PCSK2: variants seen among roughly 807,000 people sequenced by gnomAD.
PCSK2 encodes neuroendocrine convertase 2.
PCSK2 carries 14 observed loss-of-function variants against 69.7 expected under a neutral mutation model. That is an observed-to-expected ratio of 0.20 (90% CI 0.13 to 0.31). The LOEUF (loss-of-function observed/expected upper bound fraction) is 0.31, where lower values mean the gene tolerates loss of function less well. PCSK2 is among the 10% of genes least tolerant of loss of function. The probability of loss-of-function intolerance (pLI) is 1.00; values close to 1 mark genes in which losing one functional copy is unlikely to be tolerated. For synonymous variants in PCSK2, 307 were observed against 320.7 expected, an observed-to-expected ratio of 0.96 and a Z score of 0.46; for missense variants, 544 against 842.5, an observed-to-expected ratio of 0.65 and a Z score of 4.39.
intron 2 of PCSK2, among the ~76,000 whole-genome samples, chr20:17,262,020 G>GA (rs772250156): frequency 2.6e-5 from 4 of 152,314 alleles, no homozygotes; most frequent in Admixed American, 6.5e-5. Context: ...TGTTTGGTCA[G>GA]AGAGACTATT....
chr20:17,398,078 T>G (rs2031553228), intron 5 of PCSK2, among the ~76,000 whole-genome samples: 1 of 152,222 alleles, frequency 6.6e-6, no homozygotes, highest in East Asian at 1.9e-4. Flanking sequence ...TGCCAAGATG[T>G]CGATGGTTTA....
chr20:17,346,760 C>A (rs1420787294), intron 2 of PCSK2, among the ~76,000 whole-genome samples: 2 of 152,160 alleles, frequency 1.3e-5, no homozygotes, highest in African/African-American at 4.8e-5. Context: ...TTTTAATATC[C>A]TTTTCCTTAA....
At chr20:17,269,721 C>T (rs913733754) in intron 2 of PCSK2, among the ~76,000 whole-genome samples, 1 of 152,092 alleles carries the variant, frequency 6.6e-6, no homozygotes, top group African/African-American at 2.4e-5. Flanking sequence ...AGAGCCAAGA[C>T]CGCGTTCTGC....
At chr20:17,318,463 AAAC>A (rs1361584564) in intron 2 of PCSK2, among the ~76,000 whole-genome samples, 1 of 152,234 alleles carries the variant, frequency 6.6e-6, no homozygotes, top group East Asian at 1.9e-4. Context: ...TATAGATGAA[AAAC>A]AACATTACCA....
chr20:17,326,579 C>A (rs1037080669), intron 2 of PCSK2, among the ~76,000 whole-genome samples: 1 of 152,096 alleles, frequency 6.6e-6, no homozygotes, highest in Non-Finnish European at 1.5e-5. Flanking sequence ...GAGTATATGG[C>A]GACTCTGTGC....
intron 8 of PCSK2, among the ~76,000 whole-genome samples, chr20:17,440,974 A>G (rs2123358977): frequency 6.6e-6 from 1 of 152,218 alleles, no homozygotes; most frequent in Non-Finnish European, 1.5e-5. Flanking sequence ...TGGCTGCAGG[A>G]TGCCAGCCCC....
intron 9 of PCSK2, 41 bp from the exon 10 acceptor site, chr20:17,456,307 G>A: frequency 9.3e-7 from 1 of 1,078,102 alleles, no homozygotes. Flanking sequence ...GTTCAAAATA[G>A]CGTGATTTAT....
intron 4 of PCSK2, among the ~76,000 whole-genome samples, chr20:17,366,142 C>CTGA (rs201185230): frequency 0.021 from 3,190 of 152,278 alleles, 119 homozygotes; most frequent in African/African-American, 0.073. Flanking sequence ...GAGCTCAGAG[C>CTGA]CAGGGTTCTG....
chr20:17,374,750 T>C (rs991421043), intron 5 of PCSK2, among the ~76,000 whole-genome samples: 2 of 152,006 alleles, frequency 1.3e-5, no homozygotes, highest in Non-Finnish European at 2.9e-5. Context: ...GGCCTCAGAG[T>C]TACCCACAAA....
At chr20:17,415,001 A>C (rs6080686) in intron 6 of PCSK2, among the ~76,000 whole-genome samples, 97,004 of 151,948 alleles carry the variant, frequency 0.64, 31,151 homozygotes, top group Middle Eastern at 0.72. Context: ...CATGCTAAAA[A>C]CTCTCAATAA....
chr20:17,442,998 G>T (rs1465886680), intron 8 of PCSK2, among the ~76,000 whole-genome samples: 1 of 152,036 alleles, frequency 6.6e-6, no homozygotes, highest in Non-Finnish European at 1.5e-5. Flanking sequence ...TCCCCAAAAT[G>T]ACAAGTTTCC....
chr20:17,260,376 C>A, intron 2 of PCSK2, 32 bp downstream of exon 2: 1 of 1,454,334 alleles, frequency 6.9e-7, no homozygotes, highest in Non-Finnish European at 9.7e-7. Context: ...GCCTCCCAAT[C>A]TCTGCTGCCA....
chr20:17,300,742 G>A (rs1989053201), intron 2 of PCSK2, among the ~76,000 whole-genome samples: 1 of 152,116 alleles, frequency 6.6e-6, no homozygotes, highest in Non-Finnish European at 1.5e-5. Flanking sequence ...AAACAATAAA[G>A]TCCAAGATAA....
intron 5 of PCSK2, among the ~76,000 whole-genome samples, chr20:17,375,015 C>T (rs1287961630): frequency 6.6e-6 from 1 of 152,180 alleles, no homozygotes; most frequent in African/African-American, 2.4e-5. Context: ...GCATATCAAA[C>T]ATCTTTGAAC....
At chr20:17,307,191 A>G (rs550854705) in intron 2 of PCSK2, among the ~76,000 whole-genome samples, 1 of 152,324 alleles carries the variant, frequency 6.6e-6, no homozygotes, top group African/African-American at 2.4e-5. Context: ...GAGAATATGA[A>G]GTTGAATAAG....
chr20:17,433,128 C>T (rs1399737077), intron 7 of PCSK2, among the ~76,000 whole-genome samples: 6 of 152,116 alleles, frequency 3.9e-5, no homozygotes, highest in African/African-American at 1.4e-4. Flanking sequence ...CACCGGGCTT[C>T]GGGATGAGAT....
chr20:17,441,481 T>C lies in PCSK2; in HGVS notation c.885+4598T>C, dbSNP rs535372012. On this transcript the variant is annotated intron_variant, in intron 8 of 11. Transcript: ENST00000262545. ...AATATAAGACTGTATGCCCCTGTAT[T>C]AATCTGTTTTCATGCTGTTGGTAAA... is the stretch of plus-strand genomic sequence containing the variant. 8.6e-4 allele frequency among the ~76,000 whole-genome samples: 131 copies of C among 152,338 alleles called. 1 individual carries two copies. Among genetic ancestry groups the C allele is most frequent in the Non-Finnish European group, 1.6e-3 (107 of 68,036 alleles).
intron 7 of PCSK2, among the ~76,000 whole-genome samples, chr20:17,435,054 A>G (rs752334321): frequency 6.6e-6 from 1 of 152,212 alleles, no homozygotes; most frequent in Non-Finnish European, 1.5e-5. Context: ...ATTCTAGATA[A>G]TCTTCCTCCA....
chr20:17,251,360 T>C (rs186353401), intron 1 of PCSK2, among the ~76,000 whole-genome samples: 2 of 152,330 alleles, frequency 1.3e-5, no homozygotes, highest in East Asian at 3.9e-4. Context: ...ATATTTATGT[T>C]AAATTTGCCA....
Sources: gnomAD v4.1 joint callset for allele counts (sites outside exome capture counted in the v4.1 genomes callset) on GRCh38, gnomAD v4.1.1 for gene constraint, MANE v1.5 for transcripts, NCBI Gene and HGNC (gene_info 2026-07-23, HGNC 2026-07-21) for gene names.